Variants in UTY observed in about 807,000 individuals in gnomAD.
UTY encodes the protein histone demethylase UTY.
A neutral mutation model predicts 32.5 loss-of-function variants in UTY; 12 were observed. That is an observed-to-expected ratio of 0.37 (90% CI 0.24 to 0.60). The LOEUF (loss-of-function observed/expected upper bound fraction) is 0.60. Among genes scored for constraint, UTY ranks in the 20% least tolerant of loss-of-function variants. UTY has a pLI of 0.69. For missense variants in UTY, 303 were observed against 299.2 expected (o/e 1.01, Z -0.09); for synonymous variants, 131 against 103.4 (o/e 1.27, Z -1.62).
chrY:13,310,218 C>CA (rs772096972), intron 21 of UTY, among the ~76,000 whole-genome samples: 32 of 6,084 alleles, frequency 5.3e-3, no homozygotes, highest in East Asian at 0.013. Flanking sequence ...TCCATCTCAC[C>CA]AAAAAAAAAA....
intron 3 of UTY, among the ~76,000 whole-genome samples, chrY:13,458,279 A>C: frequency 3.0e-5 from 1 of 33,050 alleles, no homozygotes. Flanking sequence ...GTATATACCC[A>C]GTAATGGGAT....
chrY:13,286,548 C>A, intron 27 of UTY: 1 of 319,405 alleles, frequency 3.1e-6, no homozygotes. Context: ...AAAATGTAAC[C>A]TTAAAATTTG....
chrY:13,255,176 T>G, intron 28 of UTY, among the ~76,000 whole-genome samples: 1 of 33,394 alleles, frequency 3.0e-5, no homozygotes, highest in Non-Finnish European at 7.4e-5. Context: ...CAACCAATTA[T>G]AACTTCTGTA....
At chrY:13,393,754 T>C in intron 8 of UTY, 105 bp downstream of exon 8, 1 of 180,282 alleles carries the variant, frequency 5.5e-6, no homozygotes, top group Non-Finnish European at 8.5e-6. Context: ...ACTCAAATCG[T>C]CTAATATATT....
chrY:13,390,108 G>T (rs2067340519), intron 8 of UTY, among the ~76,000 whole-genome samples: 1 of 31,462 alleles, frequency 3.2e-5, no homozygotes, highest in East Asian at 7.9e-4. Context: ...TAATAAATTT[G>T]TTTTTTTCTT....
At chrY:13,464,529 TGA>T (rs2077704732) in intron 3 of UTY, among the ~76,000 whole-genome samples, 1 of 30,954 alleles carries the variant, frequency 3.2e-5, no homozygotes, top group Non-Finnish European at 7.8e-5. Context: ...CCCAGCACTC[TGA>T]GAGGCCAAAG....
intron 9 of UTY, among the ~76,000 whole-genome samples, chrY:13,366,706 G>A (rs2064197530): frequency 2.9e-5 from 1 of 34,206 alleles, no homozygotes; most frequent in African/African-American, 1.1e-4. Context: ...TAAATTTTAA[G>A]TATAAAATTG....
At chrY:13,478,847 G>C (rs778008320) in intron 2 of UTY, among the ~76,000 whole-genome samples, 2 of 33,256 alleles carry the variant, frequency 6.0e-5, no homozygotes, top group East Asian at 1.5e-3. Flanking sequence ...GGACACCAGG[G>C]ATATTTTTTT....
At chrY:13,237,747 G>A in intron 28 of UTY, among the ~76,000 whole-genome samples, 1 of 33,358 alleles carries the variant, frequency 3.0e-5, no homozygotes, top group Non-Finnish European at 7.4e-5. Context: ...TCAGGGCTGA[G>A]GTGCAAGGAA....
At chrY:13,281,586 A>C (rs1014000916) in intron 27 of UTY, among the ~76,000 whole-genome samples, 188 of 33,713 alleles carry the variant, frequency 5.6e-3, no homozygotes, top group Non-Finnish European at 0.012. Context: ...AAATGAGCAA[A>C]GAACAGGAGT....
Position 13,276,249 on chromosome Y carries a change from A to G in UTY, c.4011-15845T>C, listed in dbSNP as rs774593329. Among the ~76,000 whole-genome samples, 5 of 33,413 alleles carry G rather than the reference A, an allele frequency of 1.5e-4. No individual in the cohort carries two copies. In the East Asian group the frequency reaches 3.9e-3, roughly 26 times the overall value. The allele number at this position is 33,413 out of a possible 37,273, so 89.6% of individuals were successfully genotyped here. A position where few individuals can be genotyped will look rare whatever the true frequency, so the allele number is the denominator to read the frequency against. ...GGTAACAGAGCAAGACCCTGTATCAAAAATGAATGAATGAATGAATAAATA... is the reference window on the plus strand; with the variant it reads ...GGTAACAGAGCAAGACCCTGTATCAGAAATGAATGAATGAATGAATAAATA... On this transcript the variant is annotated intron_variant, in intron 27 of 29. Transcript: ENST00000545955.
intron 4 of UTY, among the ~76,000 whole-genome samples, chrY:13,447,850 A>T: frequency 2.9e-5 from 1 of 33,999 alleles, no homozygotes; most frequent in East Asian, 7.7e-4. Flanking sequence ...CCCAGGTGGC[A>T]GTTTTGCCAA....
chrY:13,270,263 G>A, intron 27 of UTY, among the ~76,000 whole-genome samples: 1 of 33,436 alleles, frequency 3.0e-5, no homozygotes, highest in African/African-American at 1.2e-4. Context: ...GCTATCTTCA[G>A]TAGACTTTCC....
rs762484780 is a variant in UTY, at chrY:13,379,633, G to A, written c.646-10284C>T. 1.7e-3 allele frequency among the ~76,000 whole-genome samples: 7 copies of A among 4,175 alleles called. No individual in the cohort carries two copies. In the South Asian group the frequency reaches 0.066, roughly 39 times the overall value. 11.2% of individuals were successfully genotyped at this position (4,175 alleles called of 37,273 possible). The stretch of plus-strand genomic sequence containing the variant: ...ACAGGAGCTCAGCATGGACACATGT[G>A]AGAGATACAAATACCAGGGGGACCA... On this transcript the variant is annotated intron_variant, in intron 8 of 29. Coordinates refer to ENST00000545955, the MANE Select transcript of UTY (RefSeq NM_001258249.2).
chrY:13,441,381 T>G (rs546037630), intron 4 of UTY, among the ~76,000 whole-genome samples: 1 of 32,607 alleles, frequency 3.1e-5, no homozygotes, highest in Non-Finnish European at 7.5e-5. Context: ...GTAACTGACA[T>G]GGAGGATAGA....
At chrY:13,305,344 G>A in intron 24 of UTY, 55 bp downstream of exon 24, 6 of 351,711 alleles carry the variant, frequency 1.7e-5, no homozygotes, top group East Asian at 1.9e-4. Flanking sequence ...TGCCTGCTCC[G>A]CATGATAAAC....
At chrY:13,287,672 A>G in intron 27 of UTY, among the ~76,000 whole-genome samples, 1 of 33,384 alleles carries the variant, frequency 3.0e-5, no homozygotes, top group Admixed American at 2.7e-4. Context: ...CAAGAATCAT[A>G]TTTATGTAAG....
chrY:13,399,529 T>C, intron 6 of UTY, among the ~76,000 whole-genome samples: 1 of 33,591 alleles, frequency 3.0e-5, no homozygotes, highest in Non-Finnish European at 7.4e-5. Context: ...GGCTACTTTA[T>C]GTATATCTTC....
At chrY:13,421,971 A>C (rs780323153) in intron 4 of UTY, among the ~76,000 whole-genome samples, 1 of 33,499 alleles carries the variant, frequency 3.0e-5, no homozygotes, top group Admixed American at 2.7e-4. Context: ...AATTTTTTTT[A>C]ATAGAAATGC....
Sources: allele counts gnomAD v4.1 joint callset (sites outside exome capture counted in the v4.1 genomes callset), GRCh38; gene constraint gnomAD v4.1.1; transcripts MANE v1.5; gene names NCBI Gene and HGNC (gene_info 2026-07-23, HGNC 2026-07-21).